Variants in CAMK1D observed in about 807,000 individuals in gnomAD.
The protein encoded by CAMK1D is calcium/calmodulin dependent protein kinase ID.
Under a neutral mutation model 47.7 loss-of-function variants are expected in CAMK1D, and 9 were observed. That is an observed-to-expected ratio of 0.19 (90% CI 0.11 to 0.33). The LOEUF (loss-of-function observed/expected upper bound fraction) is 0.33. Ranked by LOEUF, CAMK1D falls within the 10% of genes least tolerant of loss-of-function variation. The probability of loss-of-function intolerance (pLI) is 1.00; values close to 1 mark genes in which losing one functional copy is unlikely to be tolerated. For missense variants in CAMK1D, 291 were observed against 488.7 expected, an observed-to-expected ratio of 0.60 and a Z score of 3.81; for synonymous variants, 184 against 184.9, an observed-to-expected ratio of 0.99 and a Z score of 0.04.
At chr10:12,535,988 G>A (rs1835957904) in intron 1 of CAMK1D, among the ~76,000 whole-genome samples, 1 of 152,128 alleles carries the variant, frequency 6.6e-6, no homozygotes, top group Non-Finnish European at 1.5e-5. Context: ...CTGGGATGCT[G>A]TATGTAAACC....
chr10:12,635,305 C>T (rs17152034), intron 2 of CAMK1D, among the ~76,000 whole-genome samples: 54,446 of 152,014 alleles, frequency 0.36, 10,452 homozygotes, highest in African/African-American at 0.5. Flanking sequence ...ACTTCCCATC[C>T]GCTTTTCTTG....
At chr10:12,523,244 G>C (rs375317292) in intron 1 of CAMK1D, among the ~76,000 whole-genome samples, 1 of 150,354 alleles carries the variant, frequency 6.7e-6, no homozygotes, top group Non-Finnish European at 1.5e-5. Flanking sequence ...GGGAAGAGGC[G>C]CTCCTCACTT....
intron 1 of CAMK1D, among the ~76,000 whole-genome samples, chr10:12,497,611 A>G (rs1037451208): frequency 2.6e-5 from 4 of 152,154 alleles, no homozygotes; most frequent in Non-Finnish European, 5.9e-5. Flanking sequence ...ATGAAATGCA[A>G]CTACTCCAAC....
intron 2 of CAMK1D, among the ~76,000 whole-genome samples, chr10:12,613,147 CTCT>C (rs1416147814): frequency 1.3e-5 from 2 of 152,220 alleles, no homozygotes; most frequent in African/African-American, 4.8e-5. Flanking sequence ...CATCCTTAAG[CTCT>C]TCTTCTAGCA....
intron 6 of CAMK1D, among the ~76,000 whole-genome samples, chr10:12,801,316 T>TCTAC (rs1838431877): frequency 8.9e-6 from 1 of 111,908 alleles, no homozygotes; most frequent in African/African-American, 4.0e-5. Context: ...TATCTATCTA[T>TCTAC]CTATCTATCT....
intron 1 of CAMK1D, among the ~76,000 whole-genome samples, chr10:12,454,238 C>T (rs1057358261): frequency 6.6e-6 from 1 of 152,244 alleles, no homozygotes; most frequent in Non-Finnish European, 1.5e-5. Context: ...TTTCAGCTCA[C>T]TGCAACCTCC....
At chr10:12,563,456 A>G (rs1837009056) in intron 2 of CAMK1D, among the ~76,000 whole-genome samples, 1 of 152,194 alleles carries the variant, frequency 6.6e-6, no homozygotes, top group Non-Finnish European at 1.5e-5. Flanking sequence ...GGTGAGGATA[A>G]TCTTTTTACT....
intron 1 of CAMK1D, among the ~76,000 whole-genome samples, chr10:12,351,468 A>G (rs895871852): frequency 1.3e-5 from 2 of 152,178 alleles, no homozygotes; most frequent in Non-Finnish European, 2.9e-5. Context: ...CTTGTCATCC[A>G]GGACCCGCAC....
At chr10:12,695,892 C>T (rs1833275165) in intron 3 of CAMK1D, among the ~76,000 whole-genome samples, 1 of 152,018 alleles carries the variant, frequency 6.6e-6, no homozygotes, top group Non-Finnish European at 1.5e-5. Flanking sequence ...GCCAGGCCAA[C>T]ATAGTGAAAC....
intron 3 of CAMK1D, among the ~76,000 whole-genome samples, chr10:12,728,399 T>C (rs1392720707): frequency 1.3e-5 from 2 of 152,230 alleles, no homozygotes; most frequent in Admixed American, 1.3e-4. Context: ...AATTGTGTTA[T>C]AATGTTAGTC....
intron 3 of CAMK1D, among the ~76,000 whole-genome samples, chr10:12,716,449 C>T (rs545626736): frequency 8.5e-5 from 13 of 152,108 alleles, no homozygotes; most frequent in Non-Finnish European, 1.5e-4. Context: ...CCTACTGTTC[C>T]GTCTAGTGTT....
At chr10:12,745,607 C>CT (rs62682462) in intron 3 of CAMK1D, among the ~76,000 whole-genome samples, 1,460 of 144,842 alleles carry the variant, frequency 0.01, 14 homozygotes, top group African/African-American at 0.019. Flanking sequence ...TTCTTTTTTT[C>CT]TTTTTTTTTT....
At chr10:12,705,569 G>A (rs113359406) in intron 3 of CAMK1D, among the ~76,000 whole-genome samples, 2,201 of 152,302 alleles carry the variant, frequency 0.014, 42 homozygotes, top group African/African-American at 0.05. Flanking sequence ...TGAACGGTGT[G>A]TTCGTATAAA....
rs536428641 is a variant in CAMK1D, at chr10:12,502,968, T to G, written c.93-50257T>G. Among the ~76,000 whole-genome samples the G allele has an allele frequency of 2.6e-4, 39 of 152,346 alleles. No individual in the cohort carries two copies. In the East Asian group the frequency reaches 6.4e-3, roughly 25 times the overall value. On this transcript the variant is annotated intron_variant, in intron 1 of 10. Transcript: ENST00000619168. ...CACGTTCTCCCCATTGGCACAGGCT[T>G]CATCAGTTGTGCACTGTTGCCCCTT...
chr10:12,761,007 A>T lies in CAMK1D; in HGVS notation c.359A>T (p.Asp120Val). Residue 120 changes from aspartate to valine, a missense_variant, in exon 4 of 11, where the codon GAT (aspartate) becomes GTT (valine). Asp to Val is a radical substitution (Grantham distance 152). Transcript: ENST00000619168. ...GAGAAGGGGTTTTATACAGAGAAGG[A>T]TGCCAGCACTCTGATCCGCCAAGTC... ...IVEKGFYTEK[D>V]ASTLIRQVLD... 6.2e-7 allele frequency: 1 copy of T among 1,614,136 alleles called. No individual in the cohort carries two copies. Among genetic ancestry groups the T allele is most frequent in the Non-Finnish European group, 8.5e-7 (1 of 1,180,014 alleles).
intron 3 of CAMK1D, among the ~76,000 whole-genome samples, chr10:12,743,739 C>T (rs112311739): frequency 5.9e-5 from 9 of 152,130 alleles, no homozygotes; most frequent in Admixed American, 1.3e-4. Context: ...TTGCCTGTTC[C>T]GGGCCAGGTG....
At chr10:12,638,880 C>A (rs1839587646) in intron 2 of CAMK1D, among the ~76,000 whole-genome samples, 1 of 152,186 alleles carries the variant, frequency 6.6e-6, no homozygotes, top group Non-Finnish European at 1.5e-5. Flanking sequence ...CCTCCGTAGT[C>A]CCCGTTGGTG....
intron 5 of CAMK1D, among the ~76,000 whole-genome samples, chr10:12,777,623 C>G (rs1276612417): frequency 6.6e-6 from 1 of 152,140 alleles, no homozygotes; most frequent in Non-Finnish European, 1.5e-5. Flanking sequence ...ATCCACCTGT[C>G]TCGGCCTCCC....
At chr10:12,586,525 G>C (rs1471307579) in intron 2 of CAMK1D, among the ~76,000 whole-genome samples, 1 of 150,966 alleles carries the variant, frequency 6.6e-6, no homozygotes, top group Non-Finnish European at 1.5e-5. Context: ...TATCTGGTTA[G>C]GAAATCTACT....
Sources: allele counts gnomAD v4.1 joint callset (sites outside exome capture counted in the v4.1 genomes callset), GRCh38; gene constraint gnomAD v4.1.1; transcripts MANE v1.5; gene names NCBI Gene and HGNC (gene_info 2026-07-23, HGNC 2026-07-21).